The following ABCA9 variants were observed in gnomAD, a reference collection of about 807,000 sequenced individuals.
ABCA9 encodes ATP-binding cassette sub-family A member 9.
ABCA9 carries 183 observed loss-of-function variants against 205.3 expected under a neutral mutation model. That is an observed-to-expected ratio of 0.89 (90% CI 0.79 to 1.01). The LOEUF (loss-of-function observed/expected upper bound fraction) is 1.01, where lower values mean the gene tolerates loss of function less well. ABCA9 is among the 50% of genes least tolerant of loss of function. The probability of loss-of-function intolerance (pLI) is 0.00; values close to 1 mark genes in which losing one functional copy is unlikely to be tolerated. For missense variants in ABCA9, 1,805 were observed against 1,912.4 expected, an observed-to-expected ratio of 0.94 and a Z score of 1.05; for synonymous variants, 651 against 683.3, an observed-to-expected ratio of 0.95 and a Z score of 0.74.
the ABCA9 span, among the ~76,000 whole-genome samples, chr17:69,071,738 A>G: frequency 6.6e-6 from 1 of 152,190 alleles, no homozygotes; most frequent in Non-Finnish European, 1.5e-5. Flanking sequence ...CTGGATAGAT[A>G]ATGAGTTTGA....
At chr17:69,059,506 GC>G (rs1041438970) in intron 1 of ABCA9, among the ~76,000 whole-genome samples, 12 of 152,000 alleles carry the variant, frequency 7.9e-5, no homozygotes, top group African/African-American at 2.9e-4. Flanking sequence ...ACCTCTAGAA[GC>G]TACACAGGGT....
chr17:68,992,034 TG>T (rs1364419104), intron 28 of ABCA9, 140 bp downstream of exon 28: 2 of 524,820 alleles, frequency 3.8e-6, no homozygotes, highest in Non-Finnish European at 6.8e-6. Flanking sequence ...TCCTATATTA[TG>T]GGTTATAAGA....
chr17:69,057,334 TCAATGAGAGA>T (rs1323746849), intron 1 of ABCA9, among the ~76,000 whole-genome samples: 1 of 152,230 alleles, frequency 6.6e-6, no homozygotes, highest in African/African-American at 2.4e-5. Flanking sequence ...TCTGCTATTT[TCAATGAGAGA>T]CAATCACCCA....
At chr17:69,017,547 T>A in intron 21 of ABCA9, 109 bp downstream of exon 21, 2 of 1,209,196 alleles carry the variant, frequency 1.7e-6, no homozygotes, top group South Asian at 1.5e-5. Context: ...ATGAGAACTA[T>A]CCCATTTGTT....
intron 1 of ABCA9, among the ~76,000 whole-genome samples, chr17:69,057,305 T>G (rs1191556992): frequency 6.6e-6 from 1 of 152,200 alleles, no homozygotes; most frequent in Non-Finnish European, 1.5e-5. Flanking sequence ...GGATAATCAT[T>G]TGTAGGCACC....
Position 68,984,980 on chromosome 17 carries a change from C to A in ABCA9, c.4285-1G>T, listed in dbSNP as rs2069181110. The A allele has an allele frequency of 6.2e-7, 1 of 1,614,194 alleles. No individual in the cohort carries two copies. Among genetic ancestry groups the A allele is most frequent in the Admixed American group, 1.7e-5 (1 of 60,020 alleles). On this transcript the variant is annotated splice_acceptor_variant, in intron 33 of 38. Coordinates refer to ENST00000340001, the MANE Select transcript of ABCA9 (RefSeq NM_080283.4). LOFTEE classifies it high-confidence loss of function. Reference sequence around the variant, plus strand: ...CCAGGATGCTCAGCACAAAGCACAGCTGCAACGGGAGGAACAGCCCCTCTG... The same window carrying A: ...CCAGGATGCTCAGCACAAAGCACAGATGCAACGGGAGGAACAGCCCCTCTG...
At position 69,007,707 on chromosome 17, in the gene ABCA9, T is replaced by C. The variant is rs1161050937; in HGVS notation, c.3435+52A>G. Reference sequence around the variant, plus strand: ...CTGCTTAGCACAAAGATTAAACATGTTCTTGGATTTATGAAAAATGGTAAA... The same window carrying C: ...CTGCTTAGCACAAAGATTAAACATGCTCTTGGATTTATGAAAAATGGTAAA... On this transcript the variant is annotated intron_variant, in intron 25 of 38. Coordinates refer to ENST00000340001, the MANE Select transcript of ABCA9 (RefSeq NM_080283.4). 8 of 1,175,054 alleles carry C rather than the reference T, an allele frequency of 6.8e-6. No individual in the cohort carries two copies. In the Admixed American group the frequency reaches 1.1e-4, roughly 16 times the overall value. The allele number at this position is 1,175,054 out of a possible 1,614,324, so 72.8% of individuals were successfully genotyped here. A position where few individuals can be genotyped will look rare whatever the true frequency, so the allele number is the denominator to read the frequency against.
At chr17:69,056,837 T>G (rs2072084477) in intron 1 of ABCA9, among the ~76,000 whole-genome samples, 1 of 152,174 alleles carries the variant, frequency 6.6e-6, no homozygotes, top group South Asian at 2.1e-4. Context: ...TAGTTAAATA[T>G]GTGGTGATGA....
chr17:69,056,136 G>T (rs1023122839), intron 1 of ABCA9, among the ~76,000 whole-genome samples: 49 of 151,882 alleles, frequency 3.2e-4, no homozygotes, highest in African/African-American at 1.1e-3. Flanking sequence ...TAAATCCAAA[G>T]AAAGCAAAAT....
At position 69,028,540 on chromosome 17, in the gene ABCA9, G is replaced by T; in HGVS notation, c.1610C>A (p.Thr537Lys). Residue 537 changes from threonine to lysine, a missense_variant, in exon 12 of 39, where the codon ACA becomes AAA. Transcript: ENST00000340001. ...LNILSGLSVPTSGSVTVYNHT... is the reference protein window; with the variant it reads ...LNILSGLSVPKSGSVTVYNHT... ...TTGGATAACTGTCTTCTTACCTGAT[G>T]TTGGAACTGACAACCCACTAAGTAT... The T allele has an allele frequency of 1.3e-6, 2 of 1,590,314 alleles. No homozygotes were observed. The highest frequency in any genetic ancestry group is 2.2e-5 in the South Asian group (2 of 88,982).
intron 31 of ABCA9, among the ~76,000 whole-genome samples, chr17:68,988,778 C>T: frequency 6.6e-6 from 1 of 152,156 alleles, no homozygotes; most frequent in East Asian, 1.9e-4. Context: ...AGATATCTGA[C>T]TTTAAGGAAG....
At position 69,028,549 on chromosome 17, in the gene ABCA9, G is replaced by T; in HGVS notation, c.1601C>A (p.Ser534Ter). The T allele has an allele frequency of 6.2e-7, 1 of 1,602,636 alleles. No individual in the cohort carries two copies. Among genetic ancestry groups the T allele is most frequent in the South Asian group, 1.1e-5 (1 of 89,782 alleles). The change falls in exon 12 of 39, where the codon TCA (serine) becomes TAA (stop). Residue 534 changes from serine (S) to a stop codon, truncating the protein, a stop_gained. Transcript: ENST00000340001. LOFTEE classifies it high-confidence loss of function. ...TTLLNILSGL[S>*]VPTSGSVTVY... ...TGTCTTCTTACCTGATGTTGGAACTGACAACCCACTAAGTATGTTTAACAG... is the reference window on the plus strand; with the variant it reads ...TGTCTTCTTACCTGATGTTGGAACTTACAACCCACTAAGTATGTTTAACAG...
chr17:69,020,847 A>C (rs964330619), intron 18 of ABCA9: 8 of 349,662 alleles, frequency 2.3e-5, no homozygotes, highest in Non-Finnish European at 3.6e-5. Flanking sequence ...ATTTATTCTA[A>C]GGAAATCAAT....
intron 6 of ABCA9, among the ~76,000 whole-genome samples, chr17:69,041,633 G>C (rs1297524893): frequency 6.6e-6 from 1 of 152,118 alleles, no homozygotes; most frequent in African/African-American, 2.4e-5. Flanking sequence ...GAACCCGGGA[G>C]GGGGAGGTTG....
the ABCA9 span, among the ~76,000 whole-genome samples, chr17:69,078,155 T>C: frequency 6.6e-6 from 1 of 151,878 alleles, no homozygotes; most frequent in Non-Finnish European, 1.5e-5. Flanking sequence ...GCTTGTCTAC[T>C]TGTGTGTCCA....
At position 69,018,069 on chromosome 17, in the gene ABCA9, A is replaced by G. The variant is rs1204341653; in HGVS notation, c.2768-280T>C. On this transcript the variant is annotated intron_variant, in intron 20 of 38. Transcript: ENST00000340001. ...TAATCCTTGAAGCTATTAATAGTCT[A>G]TCTATCTTTTTAAATTTGAAACATT... 3.1e-5 allele frequency: 12 copies of G among 387,694 alleles called. No homozygotes were observed. In the East Asian group the frequency reaches 4.8e-4, roughly 16 times the overall value. The allele number at this position is 387,694 out of a possible 1,614,324, so 24.0% of individuals were successfully genotyped here.
chr17:69,077,907 GAT>G, the ABCA9 span, among the ~76,000 whole-genome samples: 8 of 151,676 alleles, frequency 5.3e-5, no homozygotes, highest in African/African-American at 9.7e-5. Flanking sequence ...TAATATAAAA[GAT>G]ATGTGGAAAA....
intron 25 of ABCA9, among the ~76,000 whole-genome samples, chr17:68,998,772 A>C (rs1258567189): frequency 2.6e-5 from 4 of 151,314 alleles, no homozygotes; most frequent in African/African-American, 9.7e-5. Flanking sequence ...CTTTTTCAGA[A>C]TTCATTATTA....
At position 68,989,131 on chromosome 17, in the gene ABCA9, G is replaced by A; in HGVS notation, c.3956-13C>T. ...CCTATAACTTCACCTGAAAGAAAGTGGTATGCTCAGAAATATACAAATAAT... is the reference window on the plus strand; with the variant it reads ...CCTATAACTTCACCTGAAAGAAAGTAGTATGCTCAGAAATATACAAATAAT... On this transcript the variant is annotated splice_polypyrimidine_tract_variant and intron_variant, in intron 30 of 38. Transcript: ENST00000340001. 6.5e-7 allele frequency: 1 copy of A among 1,531,818 alleles called. No individual in the cohort carries two copies. The allele number at this position is 1,531,818 out of a possible 1,614,324, so 94.9% of individuals were successfully genotyped here.
Sources: allele counts gnomAD v4.1 joint callset (sites outside exome capture counted in the v4.1 genomes callset), GRCh38; gene constraint gnomAD v4.1.1; transcripts MANE v1.5; gene names NCBI Gene and HGNC (gene_info 2026-07-23, HGNC 2026-07-21).